Variants in CYYR1 observed in about 807,000 individuals in gnomAD.
CYYR1 encodes cysteine and tyrosine rich 1.
A neutral mutation model predicts 15.2 loss-of-function variants in CYYR1; 14 were observed. The observed-to-expected ratio is 0.92, with a 90% CI of 0.61 to 1.44. CYYR1 has a LOEUF of 1.44. Among genes scored for constraint, CYYR1 ranks in the 40% most tolerant of loss-of-function variants. The pLI is 0.00. For missense variants in CYYR1, 228 were observed against 209.5 expected, an observed-to-expected ratio of 1.09 and a Z score of -0.54; for synonymous variants, 80 against 77.4, an observed-to-expected ratio of 1.03 and a Z score of -0.18.
At chr21:26,507,795 C>T (rs2065589398) in intron 2 of CYYR1, among the ~76,000 whole-genome samples, 1 of 152,176 alleles carries the variant, frequency 6.6e-6, no homozygotes, top group Non-Finnish European at 1.5e-5. Context: ...CATTTTCTAC[C>T]CATTGGGCAT....
chr21:26,525,045 A>G (rs1456863438), intron 2 of CYYR1, among the ~76,000 whole-genome samples: 1 of 152,196 alleles, frequency 6.6e-6, no homozygotes, highest in African/African-American at 2.4e-5. Flanking sequence ...CTGATGCCCT[A>G]CATGAAATCC....
At position 26,535,958 on chromosome 21, in the gene CYYR1, T is replaced by C. The variant is rs191546496; in HGVS notation, c.176+30308A>G. ...GTTGATATACAGAACAACCTAAGAC[T>C]GGGTAGTTTATAAAGAAAAGAAGTT... On this transcript the variant is annotated intron_variant, in intron 2 of 3. Coordinates refer to ENST00000652641, the MANE Select transcript of CYYR1 (RefSeq NM_001320768.2). Among the ~76,000 whole-genome samples, 6 of 152,278 alleles carry C rather than the reference T, an allele frequency of 3.9e-5. No individual in the cohort carries two copies. The East Asian group carries it at 1.2e-3, about 29-fold the overall frequency.
intron 2 of CYYR1, among the ~76,000 whole-genome samples, chr21:26,524,509 TA>T (rs554809303): frequency 1.2e-3 from 176 of 152,326 alleles, no homozygotes; most frequent in African/African-American, 4.2e-3. Context: ...ACAAGACATT[TA>T]AAAACAAATT....
At position 26,539,376 on chromosome 21, in the gene CYYR1, AGT is replaced by A. The variant is rs1295590442; in HGVS notation, c.176+26888_176+26889del. ...CCTATAATCCCTCTGATTTCAACAC[AGT>A]AACTCACACTCCAACCAAAAATGTA... On this transcript the variant is annotated intron_variant, in intron 2 of 3. Transcript: ENST00000652641. Among the ~76,000 whole-genome samples, 10 of 152,258 alleles carry A rather than the reference AGT, an allele frequency of 6.6e-5. No homozygotes were observed. The East Asian group carries it at 1.7e-3, about 26-fold the overall frequency.
chr21:26,484,182 T>G (rs1305578224), intron 2 of CYYR1, among the ~76,000 whole-genome samples: 1 of 152,148 alleles, frequency 6.6e-6, no homozygotes, highest in East Asian at 1.9e-4. Flanking sequence ...ATATTAACGC[T>G]GTTAGATTAT....
Position 26,480,437 on chromosome 21 carries a change from GA to G in CYYR1, c.177-9del. The G allele has an allele frequency of 6.2e-7, 1 of 1,603,702 alleles. No individual in the cohort carries two copies. The highest frequency in any genetic ancestry group is 8.5e-7 in the Non-Finnish European group (1 of 1,176,026). On this transcript the variant is annotated splice_polypyrimidine_tract_variant and intron_variant, in intron 2 of 3. Coordinates refer to ENST00000652641, the MANE Select transcript of CYYR1 (RefSeq NM_001320768.2). ...CCCGCAATTGCAGTGCCCCTAAAAGGAAAAACAAGTAAGTTTACTCAAAAGA... is the reference window on the plus strand; with the variant it reads ...CCCGCAATTGCAGTGCCCCTAAAAGGAAAACAAGTAAGTTTACTCAAAAGA...
At chr21:26,490,339 A>G (rs2065311389) in intron 2 of CYYR1, among the ~76,000 whole-genome samples, 1 of 152,006 alleles carries the variant, frequency 6.6e-6, no homozygotes, top group Admixed American at 6.6e-5. Context: ...GAGCATCACT[A>G]CGTGCTAGCA....
intron 2 of CYYR1, among the ~76,000 whole-genome samples, chr21:26,505,086 G>T (rs2065536740): frequency 6.6e-6 from 1 of 152,184 alleles, no homozygotes; most frequent in Non-Finnish European, 1.5e-5. Flanking sequence ...AAATGTTTAT[G>T]CTGAAAGGAA....
intron 2 of CYYR1, among the ~76,000 whole-genome samples, chr21:26,509,985 T>C (rs2065624416): frequency 6.6e-6 from 1 of 152,202 alleles, no homozygotes; most frequent in Non-Finnish European, 1.5e-5. Context: ...TGTGATGCAA[T>C]GTAGGGAGCA....
At chr21:26,505,786 C>G (rs1022914228) in intron 2 of CYYR1, among the ~76,000 whole-genome samples, 2 of 150,486 alleles carry the variant, frequency 1.3e-5, no homozygotes, top group African/African-American at 2.5e-5. Context: ...TTTGGAGAAA[C>G]TAGGTTAATA....
chr21:26,489,171 T>C (rs553006100), intron 2 of CYYR1, among the ~76,000 whole-genome samples: 1 of 152,322 alleles, frequency 6.6e-6, no homozygotes, highest in African/African-American at 2.4e-5. Flanking sequence ...TTGTTCCTCA[T>C]ATCTTACGTA....
intron 2 of CYYR1, among the ~76,000 whole-genome samples, chr21:26,546,420 C>T (rs376724760): frequency 6.6e-6 from 1 of 152,304 alleles, no homozygotes; most frequent in Middle Eastern, 3.4e-3. Context: ...TCTTGCTTTG[C>T]CCCTAGGCAT....
At chr21:26,524,451 G>A (rs2065838844) in intron 2 of CYYR1, among the ~76,000 whole-genome samples, 1 of 152,136 alleles carries the variant, frequency 6.6e-6, no homozygotes, top group Non-Finnish European at 1.5e-5. Context: ...AAATATATTT[G>A]GCCTGTATGT....
intron 2 of CYYR1, among the ~76,000 whole-genome samples, chr21:26,563,697 C>T (rs898750979): frequency 6.6e-6 from 1 of 152,096 alleles, no homozygotes; most frequent in Non-Finnish European, 1.5e-5. Context: ...TGCAAAACAG[C>T]AAAGGCAATT....
At chr21:26,524,266 C>A (rs190007093) in intron 2 of CYYR1, among the ~76,000 whole-genome samples, 412 of 152,292 alleles carry the variant, frequency 2.7e-3, no homozygotes, top group African/African-American at 9.5e-3. Context: ...TTTGCTCTGA[C>A]ATTAAATGCA....
intron 2 of CYYR1, among the ~76,000 whole-genome samples, chr21:26,504,470 C>A (rs1459468770): frequency 6.6e-6 from 1 of 151,672 alleles, no homozygotes. Flanking sequence ...TGGGGTTTAA[C>A]CATATTGGCT....
At chr21:26,489,082 G>A (rs960549490) in intron 2 of CYYR1, among the ~76,000 whole-genome samples, 4 of 152,040 alleles carry the variant, frequency 2.6e-5, no homozygotes, top group Admixed American at 1.3e-4. Flanking sequence ...CAGGTACTCT[G>A]GGATCCTGTA....
chr21:26,510,676 A>G (rs763052944), intron 2 of CYYR1, among the ~76,000 whole-genome samples: 1 of 152,222 alleles, frequency 6.6e-6, no homozygotes, highest in Non-Finnish European at 1.5e-5. Flanking sequence ...ATTTAAGGAT[A>G]TATTAAAATC....
intron 2 of CYYR1, among the ~76,000 whole-genome samples, chr21:26,556,845 G>C (rs143391393): frequency 1.3e-5 from 2 of 152,254 alleles, no homozygotes; most frequent in East Asian, 3.9e-4. Context: ...AAATAGAGAA[G>C]GGATAATGCT....
Sources: gnomAD v4.1 joint callset for allele counts (sites outside exome capture counted in the v4.1 genomes callset) on GRCh38, gnomAD v4.1.1 for gene constraint, MANE v1.5 for transcripts, NCBI Gene and HGNC (gene_info 2026-07-23, HGNC 2026-07-21) for gene names.